Variants in CLYBL observed in about 807,000 individuals in gnomAD.
CLYBL encodes the protein citramalyl-CoA lyase.
Under a neutral mutation model 38.9 loss-of-function variants are expected in CLYBL, and 31 were observed. The observed-to-expected ratio is 0.80, with a 90% CI of 0.60 to 1.08. The LOEUF is 1.08. CLYBL is among the 50% of genes least tolerant of loss of function. The pLI, the probability that CLYBL is intolerant of heterozygous loss-of-function variation, is 0.00. For missense variants in CLYBL, 434 were observed against 411.6 expected, an observed-to-expected ratio of 1.05 and a Z score of -0.47; for synonymous variants, 171 against 158.6, an observed-to-expected ratio of 1.08 and a Z score of -0.59.
At chr13:99,634,968 G>A (rs1020722758) in intron 1 of CLYBL, among the ~76,000 whole-genome samples, 3 of 152,138 alleles carry the variant, frequency 2.0e-5, no homozygotes, top group Non-Finnish European at 4.4e-5. Context: ...GCAGCTCCAG[G>A]AAGGCACATC....
intron 2 of CLYBL, among the ~76,000 whole-genome samples, chr13:99,836,255 C>A (rs2050932139): frequency 6.6e-6 from 1 of 152,086 alleles, no homozygotes; most frequent in African/African-American, 2.4e-5. Flanking sequence ...GACAGAGACG[C>A]AGATCTAGAA....
intron 1 of CLYBL, among the ~76,000 whole-genome samples, chr13:99,760,601 T>A (rs2049146574): frequency 6.6e-6 from 1 of 152,260 alleles, no homozygotes; most frequent in African/African-American, 2.4e-5. Context: ...CTTTTCCTTT[T>A]AGCACTTTGA....
At chr13:99,638,623 T>A (rs2047055298) in intron 1 of CLYBL, among the ~76,000 whole-genome samples, 2 of 152,252 alleles carry the variant, frequency 1.3e-5, no homozygotes, top group Non-Finnish European at 2.9e-5. Context: ...TTTGAGAGCT[T>A]ACTATGCTCT....
At chr13:99,710,766 A>G (rs1394235394) in intron 1 of CLYBL, among the ~76,000 whole-genome samples, 1 of 152,020 alleles carries the variant, frequency 6.6e-6, no homozygotes, top group East Asian at 1.9e-4. Context: ...CATAGCTTAC[A>G]GTGATGTTTC....
intron 8 of CLYBL, among the ~76,000 whole-genome samples, chr13:99,903,370 G>A (rs1048011707): frequency 1.3e-4 from 20 of 151,598 alleles, no homozygotes; most frequent in Non-Finnish European, 2.7e-4. Context: ...AAACACACTG[G>A]CACACACACA....
intron 1 of CLYBL, among the ~76,000 whole-genome samples, chr13:99,636,159 C>T (rs552865582): frequency 3.0e-4 from 45 of 152,290 alleles, no homozygotes; most frequent in South Asian, 1.2e-3. Flanking sequence ...ATATTTTCAG[C>T]AGAGACTCTT....
At chr13:99,663,696 A>C (rs1032388014) in intron 1 of CLYBL, among the ~76,000 whole-genome samples, 72 of 152,136 alleles carry the variant, frequency 4.7e-4, no homozygotes, top group African/African-American at 1.6e-3. Context: ...ATTAGCAACA[A>C]AGAGAGCTTG....
chr13:99,778,025 C>T (rs1023634639), intron 2 of CLYBL, among the ~76,000 whole-genome samples: 2 of 152,210 alleles, frequency 1.3e-5, no homozygotes, highest in East Asian at 1.9e-4. Flanking sequence ...AGTGCCTTGG[C>T]TTCTTTTTAT....
chr13:99,642,866 CT>C (rs2047117038), intron 1 of CLYBL, among the ~76,000 whole-genome samples: 1 of 152,174 alleles, frequency 6.6e-6, no homozygotes, highest in Admixed American at 6.5e-5. Flanking sequence ...TCAAACCATC[CT>C]CCCACCTCAG....
intron 2 of CLYBL, among the ~76,000 whole-genome samples, chr13:99,782,901 A>G (rs980441796): frequency 4.6e-5 from 7 of 151,710 alleles, no homozygotes; most frequent in African/African-American, 1.7e-4. Context: ...TTCTCTCTTA[A>G]TATCTTCTCA....
chr13:99,703,563 A>G (rs539376414), intron 1 of CLYBL, among the ~76,000 whole-genome samples: 3 of 151,864 alleles, frequency 2.0e-5, no homozygotes, highest in South Asian at 2.1e-4. Context: ...TAGAGACGGT[A>G]TTTCACCGTG....
chr13:99,703,464 G>A (rs2048100383), intron 1 of CLYBL, among the ~76,000 whole-genome samples: 1 of 152,134 alleles, frequency 6.6e-6, no homozygotes, highest in Non-Finnish European at 1.5e-5. Context: ...CTGCCTGCCA[G>A]GTTCAAGCGA....
At chr13:99,792,987 C>T (rs1020995990) in intron 2 of CLYBL, among the ~76,000 whole-genome samples, 29 of 151,356 alleles carry the variant, frequency 1.9e-4, no homozygotes, top group African/African-American at 6.8e-4. Flanking sequence ...ATTCTCTCTA[C>T]TTTGTGCTCT....
At chr13:99,875,229 C>T (rs2052006886) in intron 7 of CLYBL, among the ~76,000 whole-genome samples, 1 of 152,170 alleles carries the variant, frequency 6.6e-6, no homozygotes, top group South Asian at 2.1e-4. Flanking sequence ...ATCACGCAAC[C>T]AACATTCTCA....
At chr13:99,738,758 G>A (rs1179874805) in intron 1 of CLYBL, among the ~76,000 whole-genome samples, 1 of 152,102 alleles carries the variant, frequency 6.6e-6, no homozygotes, top group Non-Finnish European at 1.5e-5. Context: ...GAGATGCCTG[G>A]TGTGGAGCTC....
intron 2 of CLYBL, among the ~76,000 whole-genome samples, chr13:99,843,348 C>T (rs906067011): frequency 3.9e-5 from 6 of 152,296 alleles, no homozygotes; most frequent in South Asian, 2.1e-4. Context: ...TGTCTTGCCA[C>T]CTTGTCTCAG....
chr13:99,640,408 T>C (rs564373961), intron 1 of CLYBL, among the ~76,000 whole-genome samples: 112 of 152,358 alleles, frequency 7.4e-4, no homozygotes, highest in Non-Finnish European at 1.2e-3. Context: ...AGATATCCTT[T>C]TGTGTTTTAT....
exon 10 of CLYBL, among the ~76,000 whole-genome samples, chr13:99,909,078 T>A (rs1164860470): frequency 6.6e-6 from 1 of 152,170 alleles, no homozygotes; most frequent in Admixed American, 6.5e-5. Flanking sequence ...TACCTAGACA[T>A]AGCGGAACAG....
Position 99,819,464 on chromosome 13 carries a change from ATAT to A in CLYBL, c.250-39396_250-39394del, listed in dbSNP as rs1566340288. On this transcript the variant is annotated intron_variant, in intron 2 of 8. Transcript: ENST00000339105. ...TATATATATATATATATATATATAT[ATAT>A]AATATTTGTCAGGGTTGTCTGGGGG... 4.2e-3 allele frequency among the ~76,000 whole-genome samples: 216 copies of A among 51,304 alleles called. 5 individuals carry two copies. The highest frequency in any genetic ancestry group is 0.018 in the African/African-American group (196 of 11,106). The allele number at this position is 51,304 out of a possible 152,430, so 33.7% of individuals were successfully genotyped here.
Sources: allele counts gnomAD v4.1 joint callset (sites outside exome capture counted in the v4.1 genomes callset), GRCh38; gene constraint gnomAD v4.1.1; transcripts MANE v1.5; gene names NCBI Gene and HGNC (gene_info 2026-07-23, HGNC 2026-07-21).